HS6ST1: variants seen among roughly 807,000 people sequenced by gnomAD.
The protein encoded by HS6ST1 is heparan sulfate 6-O-sulfotransferase 1.
In HS6ST1, 3 loss-of-function variants were observed where a neutral mutation model predicts 25.2. The ratio of observed to expected loss-of-function variants is 0.12; its 90% CI spans 0.05 to 0.31. The LOEUF is 0.31. Among genes scored for constraint, HS6ST1 ranks in the 10% least tolerant of loss-of-function variants. HS6ST1 has a pLI of 1.00. For synonymous variants in HS6ST1, 204 were observed against 275.1 expected, an observed-to-expected ratio of 0.74 and a Z score of 2.56; for missense variants, 310 against 609.6, an observed-to-expected ratio of 0.51 and a Z score of 5.18.
At chr2:128,281,722 T>C (rs1449389413) in intron 1 of HS6ST1, among the ~76,000 whole-genome samples, 1 of 152,184 alleles carries the variant, frequency 6.6e-6, no homozygotes, top group East Asian at 1.9e-4. Flanking sequence ...AATCCATCTA[T>C]TCAGGGAGAT....
At chr2:128,305,460 G>A (rs1197157655) in intron 1 of HS6ST1, among the ~76,000 whole-genome samples, 1 of 152,240 alleles carries the variant, frequency 6.6e-6, no homozygotes, top group Non-Finnish European at 1.5e-5. Flanking sequence ...CTTCCTGCCT[G>A]CCAGGAGGGA....
chr2:128,285,843 C>G (rs987871951), intron 1 of HS6ST1, among the ~76,000 whole-genome samples: 3 of 152,226 alleles, frequency 2.0e-5, no homozygotes, highest in African/African-American at 7.2e-5. Context: ...ACCCCACCCT[C>G]AGGCCGGCAG....
At chr2:128,295,455 G>A in intron 1 of HS6ST1, among the ~76,000 whole-genome samples, 1 of 152,182 alleles carries the variant, frequency 6.6e-6, no homozygotes, top group Non-Finnish European at 1.5e-5. Context: ...GCTCTCCTGG[G>A]ACTAACACAA....
intron 1 of HS6ST1, among the ~76,000 whole-genome samples, chr2:128,279,637 C>T (rs1693749065): frequency 6.6e-6 from 1 of 152,132 alleles, no homozygotes; most frequent in African/African-American, 2.4e-5. Context: ...AAACCCTACT[C>T]CAGGTCAGGC....
intron 1 of HS6ST1, among the ~76,000 whole-genome samples, chr2:128,291,220 G>A (rs1693946914): frequency 6.6e-6 from 1 of 152,252 alleles, no homozygotes; most frequent in African/African-American, 2.4e-5. Context: ...TGTCTTTAGT[G>A]AGTACCCCGT....
Position 128,318,838 on chromosome 2 carries a change from G to A in HS6ST1, c.-275C>T, listed in dbSNP as rs1250666330. 5.4e-5 allele frequency among the ~76,000 whole-genome samples: 8 copies of A among 147,736 alleles called. No individual in the cohort carries two copies. The highest frequency in any genetic ancestry group is 3.9e-4 in the East Asian group (2 of 5,072). ...CTCTCCGCGCCCCCAGCACCAGCCCGCTCCGCTCCACTCCGCGCCGAGAAC... is the reference window on the plus strand; with the variant it reads ...CTCTCCGCGCCCCCAGCACCAGCCCACTCCGCTCCACTCCGCGCCGAGAAC... On this transcript the variant is annotated 5_prime_UTR_variant, in exon 1 of 2. Transcript: ENST00000259241. This position sits in a 1 kb window ranked among gnomAD's most constrained non-coding sequence, Gnocchi z 5.7.
chr2:128,299,949 C>T lies in HS6ST1; in HGVS notation c.527+18088G>A, dbSNP rs141263457. ...CAGGGTGGCTCTGGTGGGCAGAGGG[C>T]TACCCCACCTCCAGGCCGGGGTCTT... On this transcript the variant is annotated intron_variant, in intron 1 of 1. Transcript: ENST00000259241. Among the ~76,000 whole-genome samples, 6 of 152,306 alleles carry T rather than the reference C, an allele frequency of 3.9e-5. No homozygotes were observed. The South Asian group carries it at 8.3e-4, about 21-fold the overall frequency.
intron 1 of HS6ST1, among the ~76,000 whole-genome samples, chr2:128,313,956 G>A (rs987523981): frequency 6.8e-6 from 1 of 147,624 alleles, no homozygotes; most frequent in East Asian, 1.9e-4. Context: ...AAAAAAAAAA[G>A]GATTTTTTAT....
chr2:128,309,454 A>C (rs1240362749), intron 1 of HS6ST1, among the ~76,000 whole-genome samples: 1 of 152,186 alleles, frequency 6.6e-6, no homozygotes, highest in Non-Finnish European at 1.5e-5. Flanking sequence ...AACAGCTGGG[A>C]TCCTGGACAA....
At chr2:128,315,009 A>G (rs1334071578) in intron 1 of HS6ST1, among the ~76,000 whole-genome samples, 2 of 152,156 alleles carry the variant, frequency 1.3e-5, no homozygotes, top group Non-Finnish European at 2.9e-5. Context: ...GGGTGCTGAG[A>G]CATTCTAACC....
At chr2:128,311,952 C>T (rs1694296983) in intron 1 of HS6ST1, among the ~76,000 whole-genome samples, 1 of 152,246 alleles carries the variant, frequency 6.6e-6, no homozygotes, top group South Asian at 2.1e-4. Context: ...TCTCTGCTGC[C>T]AGGGGCCGAC....
At position 128,317,934 on chromosome 2, in the gene HS6ST1, G is replaced by T. The variant is rs183078127; in HGVS notation, c.527+103C>A. 1.4e-3 allele frequency: 1,872 copies of T among 1,301,882 alleles called. 20 individuals carry two copies. The African/African-American group carries it at 0.022, about 15-fold the overall frequency. The allele number at this position is 1,301,882 out of a possible 1,614,324, so 80.6% of individuals were successfully genotyped here. A position where few individuals can be genotyped will look rare whatever the true frequency, so the allele number is the denominator to read the frequency against. ...GCGAGTGGGGGCCCCCAAGAGGGCAGAAGGGGGTAGGGAAGGCAGGGCCGA... is the reference window on the plus strand; with the variant it reads ...GCGAGTGGGGGCCCCCAAGAGGGCATAAGGGGGTAGGGAAGGCAGGGCCGA... On this transcript the variant is annotated intron_variant, in intron 1 of 1. Coordinates refer to ENST00000259241, the MANE Select transcript of HS6ST1 (RefSeq NM_004807.3).
At chr2:128,289,787 GACCT>G (rs1693925342) in intron 1 of HS6ST1, 1 of 152,228 alleles carries the variant, frequency 6.6e-6, no homozygotes, top group Non-Finnish European at 1.5e-5. Flanking sequence ...TGCCGGAACA[GACCT>G]ACCTGCTTTC....
At position 128,266,768 on chromosome 2, in the gene HS6ST1, G is replaced by A. The variant is rs1439273894; in HGVS notation, c.*1394C>T. The A allele has an allele frequency of 6.6e-6, 1 of 152,344 alleles. No individual in the cohort carries two copies. Among genetic ancestry groups the A allele is most frequent in the East Asian group, 1.9e-4 (1 of 5,204 alleles). The allele number at this position is 152,344 out of a possible 1,614,324, so 9.4% of individuals were successfully genotyped here. ...TCTGGGGGATCCAGGGTGCCTGTGTGGGCCCTCCTAGAGACACCAGCTTGG... is the reference window on the plus strand; with the variant it reads ...TCTGGGGGATCCAGGGTGCCTGTGTAGGCCCTCCTAGAGACACCAGCTTGG... On this transcript the variant is annotated 3_prime_UTR_variant, in exon 2 of 2. Coordinates refer to ENST00000259241, the MANE Select transcript of HS6ST1 (RefSeq NM_004807.3).
intron 1 of HS6ST1, among the ~76,000 whole-genome samples, chr2:128,269,471 C>A (rs963939767): frequency 6.6e-6 from 1 of 152,180 alleles, no homozygotes; most frequent in African/African-American, 2.4e-5. Flanking sequence ...GGTGCGTGCA[C>A]AAGGGAGAAA....
At chr2:128,298,753 A>C (rs1417851503) in intron 1 of HS6ST1, among the ~76,000 whole-genome samples, 1 of 152,204 alleles carries the variant, frequency 6.6e-6, no homozygotes, top group African/African-American at 2.4e-5. Context: ...GTACAATGTG[A>C]ATGTACTTCA....
chr2:128,297,742 G>A (rs889300658), intron 1 of HS6ST1, among the ~76,000 whole-genome samples: 6 of 152,220 alleles, frequency 3.9e-5, no homozygotes, highest in Admixed American at 6.5e-5. Context: ...GCTGAGGCAC[G>A]AGAATCGCTT....
intron 1 of HS6ST1, among the ~76,000 whole-genome samples, chr2:128,291,251 G>A (rs1693947802): frequency 6.6e-6 from 1 of 152,240 alleles, no homozygotes. Flanking sequence ...CTAGGCTGGG[G>A]GCTTCACACA....
At chr2:128,304,487 T>C (rs879421448) in intron 1 of HS6ST1, among the ~76,000 whole-genome samples, 3 of 136,364 alleles carry the variant, frequency 2.2e-5, no homozygotes, top group Non-Finnish European at 4.7e-5. Context: ...ACGAAACAAG[T>C]ACCTGTCACA....
Sources: allele counts gnomAD v4.1 joint callset (sites outside exome capture counted in the v4.1 genomes callset), GRCh38; gene constraint gnomAD v4.1.1; non-coding constraint Gnocchi (gnomAD v3.1); transcripts MANE v1.5; gene names NCBI Gene and HGNC (gene_info 2026-07-23, HGNC 2026-07-21).